Variants in CDH2 observed in about 807,000 individuals in gnomAD.
The protein encoded by CDH2 is cadherin-2.
CDH2 carries 17 observed loss-of-function variants against 92.0 expected under a neutral mutation model. The observed-to-expected ratio is 0.18, with a 90% CI of 0.13 to 0.28. CDH2 has a LOEUF of 0.28. CDH2 is among the 10% of genes least tolerant of loss of function. The pLI, the probability that CDH2 is intolerant of heterozygous loss-of-function variation, is 1.00. For synonymous variants in CDH2, 419 were observed against 415.9 expected (o/e 1.01, Z -0.09); for missense variants, 862 against 1,133.1 (o/e 0.76, Z 3.44).
intron 1 of CDH2, among the ~76,000 whole-genome samples, chr18:28,167,173 T>C (rs1273788421): frequency 6.6e-6 from 1 of 152,080 alleles, no homozygotes; most frequent in East Asian, 1.9e-4. Context: ...CAGAAAGATA[T>C]TTAGTTCTTT....
intron 1 of CDH2, among the ~76,000 whole-genome samples, chr18:28,155,836 T>C (rs1251025251): frequency 1.3e-5 from 2 of 152,176 alleles, no homozygotes; most frequent in Non-Finnish European, 2.9e-5. Flanking sequence ...ATCCATGATG[T>C]TGGAGGCTAT....
In CDH2 at chr18:27,951,276, T is replaced by C. The variant is rs1909432796; in HGVS notation, c.*877A>G. On this transcript the variant is annotated 3_prime_UTR_variant, in exon 16 of 16. Transcript: ENST00000269141. ...AAAATTAAAAAAATTAAAAATTGAG[T>C]ATTCTAACTACAGCTCAACAATTGA... The C allele has an allele frequency of 6.6e-6, 1 of 151,380 alleles. No homozygotes were observed. Among genetic ancestry groups the C allele is most frequent in the Admixed American group, 6.6e-5 (1 of 15,106 alleles). The allele number at this position is 151,380 out of a possible 1,614,324, so 9.4% of individuals were successfully genotyped here.
intron 6 of CDH2, 75 bp downstream of exon 6, chr18:28,005,774 T>A (rs978035155): frequency 1.0e-6 from 1 of 963,416 alleles, no homozygotes; most frequent in Non-Finnish European, 1.5e-6. Flanking sequence ...ATTTCTCCAT[T>A]TCTTGCTCAT....
rs874314 is a variant in CDH2 at position 28,005,723 on chromosome 18, G to A, written c.847+126C>T. ...AAGTTACCTTCCTTCTTTCCCAAAA[G>A]CATTATGAATGAAAGAAAAGGATCC... On this transcript the variant is annotated intron_variant, in intron 6 of 15. Coordinates refer to ENST00000269141, the MANE Select transcript of CDH2 (RefSeq NM_001792.5). 0.18 allele frequency: 110,980 copies of A among 611,656 alleles called. 11,292 individuals carry two copies. Among genetic ancestry groups the A allele is most frequent in the East Asian group, 0.3 (10,670 of 35,080 alleles). 37.9% of individuals were successfully genotyped at this position (611,656 alleles called of 1,614,324 possible).
At chr18:27,936,128 C>T (rs999122770) in intron 6 of CDH2, among the ~76,000 whole-genome samples, 2 of 152,188 alleles carry the variant, frequency 1.3e-5, no homozygotes, top group Non-Finnish European at 2.9e-5. Flanking sequence ...AATGCTTAGA[C>T]TTACACTAAT....
intron 2 of CDH2, among the ~76,000 whole-genome samples, chr18:28,140,429 C>G (rs2015933287): frequency 6.6e-6 from 1 of 151,908 alleles, no homozygotes. Context: ...AAATCCTCAT[C>G]AACAATGTGA....
chr18:27,986,294 T>G (rs2012231336), intron 11 of CDH2, among the ~76,000 whole-genome samples: 1 of 152,132 alleles, frequency 6.6e-6, no homozygotes, highest in African/African-American at 2.4e-5. Flanking sequence ...AGAAATGATA[T>G]TTACTAACCA....
At chr18:27,969,609 T>C (rs1050826307) in intron 14 of CDH2, among the ~76,000 whole-genome samples, 14 of 152,338 alleles carry the variant, frequency 9.2e-5, no homozygotes, top group Middle Eastern at 3.4e-3. Flanking sequence ...ACAAATTCTT[T>C]CATAAGAGGG....
chr18:28,091,545 G>C (rs147761548), intron 2 of CDH2, among the ~76,000 whole-genome samples: 1 of 152,282 alleles, frequency 6.6e-6, no homozygotes, highest in African/African-American at 2.4e-5. Context: ...GAATAAAGCA[G>C]TTAATTCTAA....
At chr18:28,174,351 C>G (rs935353102) in intron 1 of CDH2, among the ~76,000 whole-genome samples, 1 of 152,126 alleles carries the variant, frequency 6.6e-6, no homozygotes, top group African/African-American at 2.4e-5. Context: ...TAAAGCAGAC[C>G]ATTAGCACAA....
intron 15 of CDH2, among the ~76,000 whole-genome samples, chr18:27,962,258 G>A (rs1285330024): frequency 6.6e-6 from 1 of 152,152 alleles, no homozygotes; most frequent in Non-Finnish European, 1.5e-5. Context: ...TTTAAATCAT[G>A]TCAACTACAA....
chr18:28,065,411 G>A (rs939499948), intron 2 of CDH2, among the ~76,000 whole-genome samples: 2 of 152,064 alleles, frequency 1.3e-5, no homozygotes, highest in Non-Finnish European at 2.9e-5. Context: ...AACAAAAACG[G>A]CACTTGGTTC....
At chr18:28,078,414 G>A (rs570578756) in intron 2 of CDH2, among the ~76,000 whole-genome samples, 1 of 152,234 alleles carries the variant, frequency 6.6e-6, no homozygotes, top group Non-Finnish European at 1.5e-5. Flanking sequence ...AATGGGAAAG[G>A]TAGAGTGTTG....
intron 2 of CDH2, among the ~76,000 whole-genome samples, chr18:28,093,974 C>T (rs1182605973): frequency 6.6e-6 from 1 of 152,162 alleles, no homozygotes; most frequent in African/African-American, 2.4e-5. Flanking sequence ...CTGGACACGT[C>T]CCATAGCCCA....
chr18:28,168,280 G>T (rs1395502713), intron 1 of CDH2, among the ~76,000 whole-genome samples: 1 of 152,034 alleles, frequency 6.6e-6, no homozygotes, highest in Admixed American at 6.6e-5. Context: ...TCTGTACTCA[G>T]TTACACTACA....
At chr18:28,012,088 A>G (rs761417625) in intron 3 of CDH2, 96 bp from the exon 4 acceptor site, 45 of 1,034,876 alleles carry the variant, frequency 4.3e-5, no homozygotes, top group Admixed American at 1.3e-4. Flanking sequence ...TAGGAATCAC[A>G]GTTTATTATG....
In CDH2 at chr18:28,009,731, T is replaced by C; in HGVS notation, c.688A>G (p.Ile230Val). The change falls in exon 5 of 16, where the codon ATA becomes GTA. Residue 230 changes from isoleucine to valine, a missense_variant. Physicochemically the swap from Ile to Val is conservative, Grantham distance 29. Around this residue, in one of 5 missense-constraint regions of CDH2, gnomAD observed 564 missense variants for 722.2 expected, o/e 0.78. Transcript: ENST00000269141. ...SVTKPLDREQ[I>V]ARFHLRAHAV... is the part of the protein sequence containing the mutation. Reference sequence around the variant, plus strand: ...TGGAATCTTACATGAAACCGGGCTATCTGCTCGCGATCCAGGGGCTTTGTC... The same window carrying C: ...TGGAATCTTACATGAAACCGGGCTACCTGCTCGCGATCCAGGGGCTTTGTC... 1 of 1,613,886 alleles carries C rather than the reference T, an allele frequency of 6.2e-7. No homozygotes were observed. Among genetic ancestry groups the C allele is most frequent in the Non-Finnish European group, 8.5e-7 (1 of 1,179,940 alleles).
chr18:28,132,280 C>G lies in CDH2; in HGVS notation c.172+15393G>C, dbSNP rs543060109. The stretch of plus-strand genomic sequence containing the variant: ...ACGCTGCCTTACACAATCAATGGTG[C>G]TTATCAGCTAACGTGACTGGAGGCC... On this transcript the variant is annotated intron_variant, in intron 2 of 15. Coordinates refer to ENST00000269141, the MANE Select transcript of CDH2 (RefSeq NM_001792.5). Among the ~76,000 whole-genome samples the G allele has an allele frequency of 3.9e-5, 6 of 152,330 alleles. No homozygotes were observed. The East Asian group carries it at 1.2e-3, about 29-fold the overall frequency.
Position 27,952,028 on chromosome 18 carries a change from T to C in CDH2, c.*125A>G, listed in dbSNP as rs2143852096. ...TGAGCCCAAATTGGTTTGCAGCCTATGCCAAAGCCTCCAGCAAGCACTGTG... is the reference window on the plus strand; with the variant it reads ...TGAGCCCAAATTGGTTTGCAGCCTACGCCAAAGCCTCCAGCAAGCACTGTG... On this transcript the variant is annotated 3_prime_UTR_variant, in exon 16 of 16. Coordinates refer to ENST00000269141, the MANE Select transcript of CDH2 (RefSeq NM_001792.5). 2.4e-6 allele frequency: 2 copies of C among 829,908 alleles called. No homozygotes were observed. The highest frequency in any genetic ancestry group is 4.0e-6 in the Non-Finnish European group (2 of 504,404). The allele number at this position is 829,908 out of a possible 1,614,324, so 51.4% of individuals were successfully genotyped here.
Sources: gnomAD v4.1 joint callset for allele counts (sites outside exome capture counted in the v4.1 genomes callset) on GRCh38, gnomAD v4.1.1 for gene constraint, gnomAD v4.1.1 regional missense constraint, MANE v1.5 for transcripts, NCBI Gene and HGNC (gene_info 2026-07-23, HGNC 2026-07-21) for gene names.